FREM2: variants seen among roughly 807,000 people sequenced by gnomAD.
FREM2 encodes FRAS1 related extracellular matrix 2.
Under a neutral mutation model 219.9 loss-of-function variants are expected in FREM2, and 119 were observed. That is an observed-to-expected ratio of 0.54 (90% CI 0.47 to 0.63). The LOEUF is 0.63. Ranked by LOEUF, FREM2 falls within the 30% of genes least tolerant of loss-of-function variation. The pLI, the probability that FREM2 is intolerant of heterozygous loss-of-function variation, is 0.00. For missense variants in FREM2, 4,030 were observed against 3,993.6 expected, an observed-to-expected ratio of 1.01 and a Z score of -0.25; for synonymous variants, 1,562 against 1,522.8, an observed-to-expected ratio of 1.03 and a Z score of -0.60.
intron 16 of FREM2, among the ~76,000 whole-genome samples, chr13:38,868,876 T>C (rs1878061933): frequency 6.6e-6 from 1 of 152,114 alleles, no homozygotes; most frequent in Non-Finnish European, 1.5e-5. Context: ...TGGAGAAAAA[T>C]AAAAAGCAAA....
chr13:38,827,304 G>A (rs1593431696), intron 6 of FREM2: 2 of 152,116 alleles, frequency 1.3e-5, no homozygotes, highest in South Asian at 2.1e-4. Context: ...ATATAACAAG[G>A]TTTCTAGAGA....
chr13:38,789,177 A>G lies in FREM2; in HGVS notation c.6019+4369A>G, dbSNP rs1213306188. Among the ~76,000 whole-genome samples the G allele has an allele frequency of 2.6e-5, 4 of 151,990 alleles. 1 individual carries two copies. The highest frequency in any genetic ancestry group is 4.4e-5 in the Non-Finnish European group (3 of 67,890). On this transcript the variant is annotated intron_variant, in intron 6 of 23. Coordinates refer to ENST00000280481, the MANE Select transcript of FREM2 (RefSeq NM_207361.6). The stretch of plus-strand genomic sequence containing the variant: ...CTTCTTTAATCTGTAAACTTCAAAT[A>G]AGATTGACATAATTTAATTTTGTAG...
chr13:38,840,644 A>ATATATATATATG (rs1184958401), intron 6 of FREM2, among the ~76,000 whole-genome samples: 3 of 134,318 alleles, frequency 2.2e-5, no homozygotes, highest in East Asian at 2.4e-4. Flanking sequence ...ATATATATAT[A>ATATATATATATG]TGTGTATGTA....
intron 2 of FREM2, among the ~76,000 whole-genome samples, chr13:38,743,762 TA>T (rs1192009336): frequency 1.3e-5 from 2 of 152,252 alleles, no homozygotes; most frequent in South Asian, 2.1e-4. Flanking sequence ...AATAGAACAA[TA>T]AAGCTCTCTT....
rs556653357 is a variant in FREM2 at position 38,747,967 on chromosome 13, G to A, written c.5264-16337G>A. Among the ~76,000 whole-genome samples, 14 of 152,174 alleles carry A rather than the reference G, an allele frequency of 9.2e-5. No homozygotes were observed. In the South Asian group the frequency reaches 2.9e-3, roughly 32 times the overall value. On this transcript the variant is annotated intron_variant, in intron 2 of 23. Coordinates refer to ENST00000280481, the MANE Select transcript of FREM2 (RefSeq NM_207361.6). ...ATCCCTTATCAGAGCTGGGCAGATCGTAAGGTTCAAATATCCACAGGGACT... is the reference window on the plus strand; with the variant it reads ...ATCCCTTATCAGAGCTGGGCAGATCATAAGGTTCAAATATCCACAGGGACT...
At chr13:38,806,585 C>T (rs1158614543) in intron 6 of FREM2, among the ~76,000 whole-genome samples, 1 of 151,838 alleles carries the variant, frequency 6.6e-6, no homozygotes, top group Non-Finnish European at 1.5e-5. Flanking sequence ...ATAAAAAATA[C>T]TTAAAATACT....
intron 7 of FREM2, among the ~76,000 whole-genome samples, chr13:38,848,020 A>T (rs1026056341): frequency 6.6e-6 from 1 of 152,208 alleles, no homozygotes; most frequent in Admixed American, 6.5e-5. Context: ...CCTGAGTAGG[A>T]TGTTCTACAG....
At chr13:38,833,712 A>G (rs1177211975) in intron 6 of FREM2, among the ~76,000 whole-genome samples, 1 of 152,186 alleles carries the variant, frequency 6.6e-6, no homozygotes, top group Non-Finnish European at 1.5e-5. Context: ...TTCAGTGTCC[A>G]TCTATAGGTA....
At chr13:38,813,184 T>C (rs1440789146) in intron 6 of FREM2, among the ~76,000 whole-genome samples, 2 of 152,088 alleles carry the variant, frequency 1.3e-5, no homozygotes, top group Non-Finnish European at 2.9e-5. Context: ...TTCTTCTTGC[T>C]CATTAACATC....
intron 6 of FREM2, among the ~76,000 whole-genome samples, chr13:38,807,678 C>T (rs147389115): frequency 1.3e-5 from 2 of 151,930 alleles, no homozygotes; most frequent in African/African-American, 4.8e-5. Flanking sequence ...TTAAAGCAGT[C>T]CTTTTTTCTG....
intron 2 of FREM2, among the ~76,000 whole-genome samples, chr13:38,749,735 A>G (rs1872652433): frequency 6.6e-6 from 1 of 152,056 alleles, no homozygotes; most frequent in African/African-American, 2.4e-5. Context: ...ATCGCCAAAC[A>G]TTCCCCAAAG....
At chr13:38,752,727 C>G (rs1872828134) in intron 2 of FREM2, among the ~76,000 whole-genome samples, 1 of 152,206 alleles carries the variant, frequency 6.6e-6, no homozygotes, top group African/African-American at 2.4e-5. Flanking sequence ...ACAGTTCAGA[C>G]TGTAATCCAT....
At chr13:38,812,916 C>CAAA (rs370609021) in intron 6 of FREM2, among the ~76,000 whole-genome samples, 1 of 137,808 alleles carries the variant, frequency 7.3e-6, no homozygotes, top group Admixed American at 7.3e-5. Context: ...GAAAAACAAG[C>CAAA]AAAAAAAAAA....
In FREM2 at chr13:38,850,176, T is replaced by C. The variant is rs920747081; in HGVS notation, c.6518T>C (p.Val2173Ala). The C allele has an allele frequency of 9.9e-5, 159 of 1,613,914 alleles. No homozygotes were observed. The highest frequency in any genetic ancestry group is 1.3e-4 in the Non-Finnish European group (153 of 1,179,958). Residue 2173 changes from valine to alanine, a missense_variant, in exon 9 of 24, where the codon GTG becomes GCG. Val to Ala is a moderately conservative substitution (Grantham distance 64). Coordinates refer to ENST00000280481, the MANE Select transcript of FREM2 (RefSeq NM_207361.6). ...TACACCCGGCAGGGGTCTGCACAGG[T>C]GATGATGGACTTTGAAGAACGCCCA... ...RCYTRQGSAQVMMDFEERPNT... is the reference protein window; with the variant it reads ...RCYTRQGSAQAMMDFEERPNT...
intron 2 of FREM2, among the ~76,000 whole-genome samples, chr13:38,716,286 C>T (rs898476656): frequency 1.3e-5 from 2 of 152,110 alleles, no homozygotes; most frequent in African/African-American, 2.4e-5. Context: ...ACTACCAGCT[C>T]GTGCAGTGTG....
chr13:38,878,210 G>T lies in FREM2; in HGVS notation c.8748G>T (p.Lys2916Asn), dbSNP rs772750649. The change falls in exon 22 of 24, where the codon AAG (lysine) becomes AAT (asparagine). Residue 2916 changes from lysine to asparagine, a missense_variant. Physicochemically the swap from Lys to Asn is moderately conservative, Grantham distance 94. Coordinates refer to ENST00000280481, the MANE Select transcript of FREM2 (RefSeq NM_207361.6). ...LGDSFYCSIE[K>N]VFLCTGADGY... ...ACTCCTTTTACTGCAGCATTGAGAA[G>T]GTGTTTCTATGCACTGGAGCTGATG... is the stretch of plus-strand genomic sequence containing the variant. 1.2e-6 allele frequency: 2 copies of T among 1,612,748 alleles called. No homozygotes were observed. Among genetic ancestry groups the T allele is most frequent in the South Asian group, 1.1e-5 (1 of 91,046 alleles).
rs114712192 is a variant in FREM2, at chr13:38,743,504, A to G, written c.5264-20800A>G. The stretch of plus-strand genomic sequence containing the variant: ...ACTAGCAACTGACGTGACAGCTAAC[A>G]TTTCACAGTAATGGAAGAAAGAAAA... On this transcript the variant is annotated intron_variant, in intron 2 of 23. Coordinates refer to ENST00000280481, the MANE Select transcript of FREM2 (RefSeq NM_207361.6). 5.8e-3 allele frequency among the ~76,000 whole-genome samples: 885 copies of G among 152,150 alleles called. 13 individuals carry two copies. The highest frequency in any genetic ancestry group is 0.02 in the African/African-American group (848 of 41,480).
At chr13:38,781,461 A>G (rs1296043033) in intron 4 of FREM2, among the ~76,000 whole-genome samples, 2 of 151,784 alleles carry the variant, frequency 1.3e-5, no homozygotes, top group Non-Finnish European at 2.9e-5. Flanking sequence ...TATACTACTT[A>G]TTTTCTTGTA....
intron 2 of FREM2, among the ~76,000 whole-genome samples, chr13:38,730,398 A>G (rs1871716541): frequency 6.6e-6 from 1 of 152,226 alleles, no homozygotes; most frequent in Non-Finnish European, 1.5e-5. Flanking sequence ...AACATATGGA[A>G]GATGTACAGG....
Sources: gnomAD v4.1 joint callset for allele counts (sites outside exome capture counted in the v4.1 genomes callset) on GRCh38, gnomAD v4.1.1 for gene constraint, MANE v1.5 for transcripts, NCBI Gene and HGNC (gene_info 2026-07-23, HGNC 2026-07-21) for gene names.